MED13L: variants seen among roughly 807,000 people sequenced by gnomAD.
MED13L encodes the protein mediator complex subunit 13L.
MED13L carries 7 observed loss-of-function variants against 220.9 expected under a neutral mutation model. The observed-to-expected ratio is 0.03, with a 90% CI of 0.02 to 0.06. The LOEUF (loss-of-function observed/expected upper bound fraction) is 0.06, where lower values mean the gene tolerates loss of function less well. Among genes scored for constraint, MED13L ranks in the 10% least tolerant of loss-of-function variants. The pLI, the probability that MED13L is intolerant of heterozygous loss-of-function variation, is 1.00. For missense variants in MED13L, 1,965 were observed against 2,760.5 expected, an observed-to-expected ratio of 0.71 and a Z score of 6.46; for synonymous variants, 1,011 against 1,015.2, an observed-to-expected ratio of 1.00 and a Z score of 0.08.
chr12:116,012,202 G>A (rs1382364141), intron 9 of MED13L, among the ~76,000 whole-genome samples: 5 of 152,038 alleles, frequency 3.3e-5, no homozygotes, highest in Non-Finnish European at 7.4e-5. Flanking sequence ...AACCTATGAT[G>A]GTAAGATTCT....
intron 5 of MED13L, among the ~76,000 whole-genome samples, chr12:116,021,236 G>C: frequency 6.6e-6 from 1 of 152,068 alleles, no homozygotes; most frequent in Admixed American, 6.6e-5. Flanking sequence ...GTGGTCTATA[G>C]GGACCTGGTA....
chr12:116,241,341 A>AAAAC (rs1870630880), intron 1 of MED13L, among the ~76,000 whole-genome samples: 4 of 149,210 alleles, frequency 2.7e-5, no homozygotes, highest in East Asian at 2.0e-4. Flanking sequence ...ACAAAAAAAA[A>AAAAC]ACACACACAC....
chr12:115,987,405 T>C, intron 17 of MED13L, 117 bp from the exon 18 acceptor site: 1 of 927,546 alleles, frequency 1.1e-6, no homozygotes, highest in Non-Finnish European at 1.7e-6. Context: ...CTGTAGTAGA[T>C]TCTAAAATAT....
chr12:116,020,798 C>T (rs1363089005), intron 5 of MED13L, among the ~76,000 whole-genome samples: 3 of 152,074 alleles, frequency 2.0e-5, no homozygotes, highest in African/African-American at 4.8e-5. Flanking sequence ...CCAAATAATA[C>T]GTTTCTGAAG....
At chr12:116,160,561 C>A (rs1453623040) in intron 2 of MED13L, among the ~76,000 whole-genome samples, 2 of 150,642 alleles carry the variant, frequency 1.3e-5, no homozygotes, top group Non-Finnish European at 1.5e-5. Flanking sequence ...TAGGAAGAGG[C>A]TGGACTGGAT....
At chr12:116,153,924 T>C (rs1259876700) in intron 2 of MED13L, among the ~76,000 whole-genome samples, 1 of 152,108 alleles carries the variant, frequency 6.6e-6, no homozygotes, top group Admixed American at 6.6e-5. Flanking sequence ...AAAACAGAAA[T>C]GGCCTTAATG....
chr12:116,111,416 T>G lies in MED13L; in HGVS notation c.395+12A>C. The G allele has an allele frequency of 6.2e-7, 1 of 1,609,398 alleles. No homozygotes were observed. Among genetic ancestry groups the G allele is most frequent in the Non-Finnish European group, 8.5e-7 (1 of 1,176,428 alleles). Reference sequence around the variant, plus strand: ...TTGTCTGCAAACCACTGTCTGCTGTTCCTTCTCTTACCTTTCTAACAGATT... The same window carrying G: ...TTGTCTGCAAACCACTGTCTGCTGTGCCTTCTCTTACCTTTCTAACAGATT... On this transcript the variant is annotated intron_variant, in intron 3 of 30. Transcript: ENST00000281928.
Position 116,006,320 on chromosome 12 carries a change from G to C in MED13L, c.2330C>G (p.Ser777Cys), listed in dbSNP as rs1879044151. The C allele has an allele frequency of 1.2e-6, 2 of 1,613,656 alleles. No individual in the cohort carries two copies. Among genetic ancestry groups the C allele is most frequent in the Non-Finnish European group, 1.7e-6 (2 of 1,179,724 alleles). The change falls in exon 12 of 31, where the codon TCT becomes TGT. Residue 777 changes from serine (S) to cysteine (C), a missense_variant. Physicochemically the swap from Ser to Cys is moderately radical, Grantham distance 112. Coordinates refer to ENST00000281928, the MANE Select transcript of MED13L (RefSeq NM_015335.5). ...ATTGTACACACCTGTTTTAGTAGCA[G>C]AACTGAAAATAGACATGGCATTTTT... is the stretch of plus-strand genomic sequence containing the variant. Reference protein sequence around the residue: ...DGKNAMSIFSSATKTDVRQDN... With the variant: ...DGKNAMSIFSCATKTDVRQDN...
intron 3 of MED13L, among the ~76,000 whole-genome samples, chr12:116,107,131 A>C (rs540920404): frequency 6.6e-6 from 1 of 152,284 alleles, no homozygotes; most frequent in South Asian, 2.1e-4. Context: ...CAGAACTGAG[A>C]CCCAAAATAT....
At chr12:115,964,724 C>T (rs1876020736) in intron 29 of MED13L, among the ~76,000 whole-genome samples, 1 of 152,006 alleles carries the variant, frequency 6.6e-6, no homozygotes, top group Non-Finnish European at 1.5e-5. Flanking sequence ...CTCCTGAGGC[C>T]CTGCTGGACC....
chr12:115,977,714 T>C (rs1019844997), intron 23 of MED13L, among the ~76,000 whole-genome samples: 2 of 152,136 alleles, frequency 1.3e-5, no homozygotes, highest in Non-Finnish European at 2.9e-5. Flanking sequence ...AGATCGCATA[T>C]GGCCAGGCGA....
chr12:116,132,279 CAAAAAAAAAAA>C (rs1005783459), intron 2 of MED13L, among the ~76,000 whole-genome samples: 11 of 77,416 alleles, frequency 1.4e-4, no homozygotes, highest in Non-Finnish European at 2.7e-4. Context: ...TACTTCGTCT[CAAAAAAAAAAA>C]AAAAAAAAAA....
chr12:116,121,511 GA>G (rs558803407), intron 2 of MED13L, among the ~76,000 whole-genome samples: 87 of 150,590 alleles, frequency 5.8e-4, no homozygotes, highest in African/African-American at 1.7e-3. Flanking sequence ...ACTTGAAGGG[GA>G]AAAAAAAATG....
rs537465100 is a variant in MED13L at position 116,038,689 on chromosome 12, G to T, written c.480-16088C>A. ...AAACAGATGGAAGTTCCAACATGCT[G>T]CCCTTCATCAGGTCAACAGCAGCAA... On this transcript the variant is annotated intron_variant, in intron 4 of 30. Transcript: ENST00000281928. Among the ~76,000 whole-genome samples the T allele has an allele frequency of 3.2e-4, 41 of 127,286 alleles. No homozygotes were observed. The South Asian group carries it at 8.3e-3, about 26-fold the overall frequency. The allele number at this position is 127,286 out of a possible 152,430, so 83.5% of individuals were successfully genotyped here. A position where few individuals can be genotyped will look rare whatever the true frequency, so the allele number is the denominator to read the frequency against.
At chr12:116,209,748 G>A (rs1882576539) in intron 2 of MED13L, among the ~76,000 whole-genome samples, 1 of 152,102 alleles carries the variant, frequency 6.6e-6, no homozygotes, top group Non-Finnish European at 1.5e-5. Flanking sequence ...GAAGTCCCAA[G>A]GCAAAAATAA....
rs575884526 is a variant in MED13L, at chr12:116,115,977, A to G, written c.311-4465T>C. 1.2e-4 allele frequency among the ~76,000 whole-genome samples: 19 copies of G among 152,356 alleles called. No individual in the cohort carries two copies. The South Asian group carries it at 3.7e-3, about 30-fold the overall frequency. ...TTGGCGATATTTTGTAAAGTTAAACATACATTTACCATACAACCCAATATC... is the reference window on the plus strand; with the variant it reads ...TTGGCGATATTTTGTAAAGTTAAACGTACATTTACCATACAACCCAATATC... On this transcript the variant is annotated intron_variant, in intron 2 of 30. Transcript: ENST00000281928.
At chr12:116,210,183 A>C (rs1882601894) in intron 2 of MED13L, among the ~76,000 whole-genome samples, 1 of 152,170 alleles carries the variant, frequency 6.6e-6, no homozygotes, top group Non-Finnish European at 1.5e-5. Context: ...AATGATTTCT[A>C]ATCACTACAA....
At position 115,982,469 on chromosome 12, in the gene MED13L, T is replaced by C. The variant is rs1422830184; in HGVS notation, c.5090A>G (p.Asn1697Ser). The change falls in exon 22 of 31, where the codon AAC becomes AGC. Residue 1697 changes from asparagine to serine, a missense_variant. By Grantham distance (46) the Asn-to-Ser change is conservative. This residue lies in a region of MED13L where 510 missense variants were observed against 620.4 expected (regional missense o/e 0.82). Transcript: ENST00000281928. The part of the protein sequence containing the change: ...YAAEEDSTSG[N>S]FWLLSLMRCY... ...GCGCATCAAGCTCAACAGCCAAAAG[T>C]TCCCAGAAGTGGAGTCCTCCTCTGC... 6.2e-7 allele frequency: 1 copy of C among 1,614,070 alleles called. No homozygotes were observed. Among genetic ancestry groups the C allele is most frequent in the Non-Finnish European group, 8.5e-7 (1 of 1,179,998 alleles).
intron 4 of MED13L, among the ~76,000 whole-genome samples, chr12:116,033,302 A>G (rs760819915): frequency 2.6e-5 from 4 of 152,220 alleles, no homozygotes; most frequent in Non-Finnish European, 4.4e-5. Flanking sequence ...ATTCGTTCAC[A>G]AGAACATCAT....
Sources: allele counts gnomAD v4.1 joint callset (sites outside exome capture counted in the v4.1 genomes callset), GRCh38; gene constraint gnomAD v4.1.1; regional missense constraint gnomAD v4.1.1; transcripts MANE v1.5; gene names NCBI Gene and HGNC (gene_info 2026-07-23, HGNC 2026-07-21).